ACSM2A: variants seen among roughly 807,000 people sequenced by gnomAD.
The protein encoded by ACSM2A is acyl-coenzyme A synthetase ACSM2A, mitochondrial.
In ACSM2A, 72 loss-of-function variants were observed where a neutral mutation model predicts 76.6. That is an observed-to-expected ratio of 0.94 (90% CI 0.78 to 1.14). ACSM2A has a LOEUF of 1.14. ACSM2A is among the 50% of genes most tolerant of loss of function. The pLI is 0.00. For synonymous variants in ACSM2A, 249 were observed against 255.9 expected (o/e 0.97, Z 0.26); for missense variants, 684 against 708.5 (o/e 0.97, Z 0.39).
At chr16:20,484,596 G>A (rs556589999) in intron 13 of ACSM2A, among the ~76,000 whole-genome samples, 9 of 141,132 alleles carry the variant, frequency 6.4e-5, no homozygotes, top group South Asian at 2.5e-4. Context: ...TCAACCCCTG[G>A]GGGAAGGGAG....
intron 13 of ACSM2A, among the ~76,000 whole-genome samples, chr16:20,483,568 TCAAAAAAAAAAAA>T (rs2014222376): frequency 1.9e-4 from 1 of 5,142 alleles, no homozygotes; most frequent in Non-Finnish European, 1.0e-3. Flanking sequence ...AGACTCTGTC[TCAAAAAAAAAAAA>T]AAAAAAAAAA....
chr16:20,483,239 T>C, intron 13 of ACSM2A, 62 bp downstream of exon 13: 1 of 1,595,192 alleles, frequency 6.3e-7, no homozygotes, highest in Admixed American at 1.7e-5. Context: ...CCTGTTATAT[T>C]TATCTTCTTC....
intron 1 of ACSM2A, chr16:20,453,387 A>G (rs2141674593): frequency 6.6e-6 from 1 of 151,634 alleles, no homozygotes; most frequent in Non-Finnish European, 1.5e-5. Context: ...CTCTGAACAT[A>G]AATTGTGAAG....
At chr16:20,473,044 C>A (rs1365902267) in intron 6 of ACSM2A, among the ~76,000 whole-genome samples, 1 of 152,110 alleles carries the variant, frequency 6.6e-6, no homozygotes, top group Non-Finnish European at 1.5e-5. Context: ...ATGAAAATGA[C>A]CTCATTTTGC....
chr16:20,469,452 G>C, intron 3 of ACSM2A, 60 bp from the exon 4 acceptor site: 2 of 1,603,446 alleles, frequency 1.2e-6, no homozygotes, highest in Non-Finnish European at 1.7e-6. Flanking sequence ...TTTATCTCAG[G>C]CTTCTCTAGG....
chr16:20,486,785 A>G lies in ACSM2A; in HGVS notation c.*107A>G. The G allele has an allele frequency of 5.1e-6, 7 of 1,366,426 alleles. No homozygotes were observed. The South Asian group carries it at 6.7e-5, about 13-fold the overall frequency. The allele number at this position is 1,366,426 out of a possible 1,614,324, so 84.6% of individuals were successfully genotyped here. ...ATGAGATTCTTTATGGAAGAACATG[A>G]ATATAAGTTTTGTCTTGCCTTGGTT... On this transcript the variant is annotated 3_prime_UTR_variant, in exon 14 of 14. Transcript: ENST00000573854.
In ACSM2A at chr16:20,475,402, C is replaced by G. The variant is rs1345853742; in HGVS notation, c.935C>G (p.Pro312Arg). Residue 312 changes from proline to arginine, a missense_variant, in exon 7 of 14, where the codon CCC (proline) becomes CGC (arginine). By Grantham distance (103) the Pro-to-Arg change is moderately radical (BLOSUM62 -2). Around this residue, in one of 3 missense-constraint regions of ACSM2A, gnomAD observed 519 missense variants for 549.5 expected, o/e 0.94. Coordinates refer to ENST00000573854, the MANE Select transcript of ACSM2A (RefSeq NM_001308172.2). Reference protein sequence around the residue: ...SYPIKSMMGAPIVYRMLLQQD... With the variant: ...SYPIKSMMGARIVYRMLLQQD... ...CCAATCAAGAGTATGATGGGTGCCC[C>G]CATTGTTTACCGGATGTTGCTACAG... 1 of 1,613,764 alleles carries G rather than the reference C, an allele frequency of 6.2e-7. No individual in the cohort carries two copies. The highest frequency in any genetic ancestry group is 1.1e-5 in the South Asian group (1 of 91,060).
At chr16:20,482,970 G>C (rs2014171942) in intron 12 of ACSM2A, 88 bp from the exon 13 acceptor site, 1 of 1,562,250 alleles carries the variant, frequency 6.4e-7, no homozygotes, top group South Asian at 1.2e-5. Flanking sequence ...ATACAAGGGT[G>C]ATGGAAGTCT....
At chr16:20,457,020 A>C (rs2012214215) in intron 1 of ACSM2A, among the ~76,000 whole-genome samples, 2 of 152,032 alleles carry the variant, frequency 1.3e-5, no homozygotes, top group South Asian at 4.1e-4. Flanking sequence ...AGGCACTACA[A>C]ACAGCTTTAT....
At position 20,465,683 on chromosome 16, in the gene ACSM2A, G is replaced by A. The variant is rs142505782; in HGVS notation, c.344G>A (p.Arg115Gln). ...GATCGTGTGGCAGTGGTGCTGCCCC[G>A]AGTGCCTGAGTGGTGGCTGGTGATC... The part of the protein sequence containing the change: ...RGDRVAVVLP[R>Q]VPEWWLVILG... Residue 115 changes from arginine to glutamine, a missense_variant, in exon 3 of 14, where the codon CGA becomes CAA. Physicochemically the swap from Arg to Gln is conservative, Grantham distance 43. Coordinates refer to ENST00000573854, the MANE Select transcript of ACSM2A (RefSeq NM_001308172.2). The A allele has an allele frequency of 7.2e-5, 116 of 1,613,956 alleles. 2 individuals are homozygous for A. The African/African-American group carries it at 1.0e-3, about 14-fold the overall frequency.
intron 6 of ACSM2A, among the ~76,000 whole-genome samples, chr16:20,474,754 A>G (rs1024739922): frequency 2.0e-5 from 3 of 152,184 alleles, no homozygotes; most frequent in Admixed American, 6.5e-5. Context: ...TCCCCTCTGT[A>G]TCATGAGGAT....
chr16:20,481,655 A>G (rs1476052820), intron 12 of ACSM2A: 4 of 147,428 alleles, frequency 2.7e-5, no homozygotes, highest in African/African-American at 7.5e-5. Context: ...CGAATGTTCA[A>G]TAGCAGAGTA....
At chr16:20,458,423 T>C (rs1390385374) in intron 1 of ACSM2A, among the ~76,000 whole-genome samples, 1 of 137,106 alleles carries the variant, frequency 7.3e-6, no homozygotes, top group Non-Finnish European at 1.5e-5. Flanking sequence ...ATATAGTATA[T>C]GCAGTTATGT....
At chr16:20,458,480 A>G (rs1336518396) in intron 1 of ACSM2A, among the ~76,000 whole-genome samples, 1 of 145,648 alleles carries the variant, frequency 6.9e-6, no homozygotes, top group Non-Finnish European at 1.5e-5. Flanking sequence ...TAGTATATGT[A>G]TTATTATATA....
intron 1 of ACSM2A, chr16:20,453,585 G>A (rs1357325644): frequency 1.6e-5 from 2 of 125,178 alleles, no homozygotes; most frequent in Admixed American, 1.5e-4. Context: ...CCTGGAAAAA[G>A]AACAGAATAT....
intron 13 of ACSM2A, among the ~76,000 whole-genome samples, chr16:20,483,543 C>T (rs2014218238): frequency 8.8e-6 from 1 of 113,140 alleles, no homozygotes; most frequent in African/African-American, 3.2e-5. Context: ...GCACTGCAGC[C>T]CAGGTGACAG....
chr16:20,452,325 G>A (rs571259329), intron 1 of ACSM2A: 37 of 148,998 alleles, frequency 2.5e-4, no homozygotes, highest in African/African-American at 9.0e-4. Context: ...GACTGGCCTA[G>A]CTTCCCAGCC....
Position 20,475,667 on chromosome 16 carries a change from T to C in ACSM2A, c.992T>C (p.Leu331Pro). 2 of 1,614,052 alleles carry C rather than the reference T, an allele frequency of 1.2e-6. No individual in the cohort carries two copies. The highest frequency in any genetic ancestry group is 1.3e-5 in the African/African-American group (1 of 75,034). The change falls in exon 8 of 14, where the codon CTA (leucine) becomes CCA (proline). Residue 331 changes from leucine to proline, a missense_variant. Transcript: ENST00000573854. ...QDLSSYKFPH[L>P]QNCVTVGESL... ...TTCTTCAGTTACAAGTTCCCCCATC[T>C]ACAGAACTGCGTCACTGTAGGGGAG... is the stretch of plus-strand genomic sequence containing the variant.
chr16:20,472,214 T>TA (rs2013459460), intron 6 of ACSM2A, among the ~76,000 whole-genome samples: 2 of 152,192 alleles, frequency 1.3e-5, no homozygotes, highest in Non-Finnish European at 2.9e-5. Context: ...GCTACTATAA[T>TA]AAAATACCAT....
Sources: gnomAD v4.1 joint callset for allele counts (sites outside exome capture counted in the v4.1 genomes callset) on GRCh38, gnomAD v4.1.1 for gene constraint, gnomAD v4.1.1 regional missense constraint, MANE v1.5 for transcripts, NCBI Gene and HGNC (gene_info 2026-07-23, HGNC 2026-07-21) for gene names.